CSNK2A1: variants seen among roughly 807,000 people sequenced by gnomAD.
CSNK2A1 encodes the protein casein kinase II subunit alpha.
In CSNK2A1, 10 loss-of-function variants were observed where a neutral mutation model predicts 62.9. The observed-to-expected ratio is 0.16, with a 90% CI of 0.10 to 0.27. The LOEUF is 0.27. CSNK2A1 is among the 10% of genes least tolerant of loss of function. The probability of loss-of-function intolerance (pLI) is 1.00; values close to 1 mark genes in which losing one functional copy is unlikely to be tolerated. For missense variants in CSNK2A1, 160 were observed against 492.0 expected (o/e 0.33, Z 6.38); for synonymous variants, 124 against 167.8 (o/e 0.74, Z 2.02).
At chr20:513,221 C>G (rs903082840) in intron 2 of CSNK2A1, among the ~76,000 whole-genome samples, 1 of 152,186 alleles carries the variant, frequency 6.6e-6, no homozygotes, top group Non-Finnish European at 1.5e-5. Context: ...ACATTTTATA[C>G]GTGTAAGACA....
intron 6 of CSNK2A1, 22 bp from the exon 7 acceptor site, chr20:497,802 G>A: frequency 6.2e-7 from 1 of 1,607,284 alleles, no homozygotes. Flanking sequence ...AAATGTTTGA[G>A]CCATGAAATA....
intron 11 of CSNK2A1, 49 bp downstream of exon 11, chr20:488,628 CT>C: frequency 6.4e-7 from 1 of 1,570,494 alleles, no homozygotes; most frequent in Non-Finnish European, 8.7e-7. Flanking sequence ...TGCCAGTTCA[CT>C]CTCAAAGTGC....
rs1316860118 is a variant in CSNK2A1 at position 478,746 on chromosome 20, G to A, written c.*5215C>T. On this transcript the variant is annotated 3_prime_UTR_variant, in exon 14 of 14. Coordinates refer to ENST00000217244, the MANE Select transcript of CSNK2A1 (RefSeq NM_177559.3). ...AGTTCAAGACCAGCCTGGGCAACAC[G>A]GCAAAACTTCATCTCTACCAAAAAA... The A allele has an allele frequency of 3.7e-6, 1 of 273,376 alleles. No homozygotes were observed. The highest frequency in any genetic ancestry group is 2.6e-5 in the South Asian group (1 of 37,950). The allele number at this position is 273,376 out of a possible 1,614,324, so 16.9% of individuals were successfully genotyped here. A position where few individuals can be genotyped will look rare whatever the true frequency, so the allele number is the denominator to read the frequency against.
intron 4 of CSNK2A1, chr20:501,135 G>C (rs1369702116): frequency 6.6e-6 from 1 of 150,708 alleles, no homozygotes. Context: ...CATGATCTCA[G>C]CTCACTGCAA....
intron 4 of CSNK2A1, chr20:502,338 G>C (rs755197575): frequency 5.3e-5 from 8 of 152,104 alleles, no homozygotes; most frequent in Non-Finnish European, 7.3e-5. Flanking sequence ...CCACCCTGCA[G>C]AGACTAACCC....
chr20:517,723 T>C (rs1321515515), intron 2 of CSNK2A1, among the ~76,000 whole-genome samples: 2 of 152,160 alleles, frequency 1.3e-5, no homozygotes, highest in African/African-American at 4.8e-5. Flanking sequence ...ACCTATAATT[T>C]TGCACCCTAA....
chr20:499,094 G>A lies in CSNK2A1; in HGVS notation c.366+161C>T, dbSNP rs1364860246. 1 of 430,132 alleles carries A rather than the reference G, an allele frequency of 2.3e-6. No homozygotes were observed. Among genetic ancestry groups the A allele is most frequent in the East Asian group, 3.8e-5 (1 of 26,162 alleles). 26.6% of individuals were successfully genotyped at this position (430,132 alleles called of 1,614,324 possible). On this transcript the variant is annotated intron_variant, in intron 6 of 13. Transcript: ENST00000217244. The surrounding 1 kb of genome is among the most constrained non-coding windows in gnomAD (Gnocchi z 4.2). The stretch of plus-strand genomic sequence containing the variant: ...GCAAAATATCAAGATGCAGAAAGTG[G>A]GCACTGCTTATATAGGAGTTCTTCT...
In CSNK2A1 at chr20:475,787, T is replaced by G. The variant is rs2017837821; in HGVS notation, c.*8174A>C. 6.6e-6 allele frequency: 1 copy of G among 152,174 alleles called. No homozygotes were observed. 9.4% of individuals were successfully genotyped at this position (152,174 alleles called of 1,614,324 possible). ...AATGTGCTTGTGTGATTCCATTTGG[T>G]CTCTTCTAAGTTTCTGTGATTCATG... On this transcript the variant is annotated 3_prime_UTR_variant, in exon 14 of 14. Transcript: ENST00000217244.
intron 2 of CSNK2A1, among the ~76,000 whole-genome samples, chr20:524,998 T>C (rs117771177): frequency 7.4e-4 from 113 of 152,094 alleles, no homozygotes; most frequent in Middle Eastern, 3.4e-3. Flanking sequence ...ACCTGTGTCC[T>C]AGCTACTCAG....
chr20:542,582 GCCA>G lies in CSNK2A1; in HGVS notation c.-227+1087_-227+1089del, dbSNP rs1172188320. On this transcript the variant is annotated intron_variant, in intron 1 of 13. Transcript: ENST00000217244. ...CGAGTAGCTGGGATTACAGGCGCGC[GCCA>G]CCAAGCCCGGCTGATATTTGCATTT... 4.6e-5 allele frequency among the ~76,000 whole-genome samples: 7 copies of G among 152,228 alleles called. No homozygotes were observed. In the East Asian group the frequency reaches 1.4e-3, roughly 29 times the overall value.
intron 2 of CSNK2A1, among the ~76,000 whole-genome samples, chr20:516,063 T>C (rs561397997): frequency 1.3e-5 from 2 of 152,316 alleles, no homozygotes; most frequent in South Asian, 4.1e-4. Context: ...AGCAGCTTAT[T>C]TGGAAGATGG....
At chr20:508,240 T>C (rs1300733729) in intron 3 of CSNK2A1, 3 of 504,008 alleles carry the variant, frequency 6.0e-6, no homozygotes, top group East Asian at 6.6e-5. Context: ...GATTTTTAAA[T>C]GGTAAGCCCA....
At chr20:492,471 A>T in intron 8 of CSNK2A1, 107 bp from the exon 9 acceptor site, 1 of 1,055,394 alleles carries the variant, frequency 9.5e-7, no homozygotes, top group Non-Finnish European at 1.4e-6. Flanking sequence ...TCTTTACTGA[A>T]ACCCCTCCAC....
At position 495,815 on chromosome 20, in the gene CSNK2A1, C is replaced by A. The variant is rs143048485; in HGVS notation, c.427-13G>T. ...AATAATCCAGGGCCTGTGGGATGAACGGGTCAGAAAGGAGTTAGCCTGAAT... is the reference window on the plus strand; with the variant it reads ...AATAATCCAGGGCCTGTGGGATGAAAGGGTCAGAAAGGAGTTAGCCTGAAT... On this transcript the variant is annotated splice_polypyrimidine_tract_variant and intron_variant, in intron 7 of 13. Coordinates refer to ENST00000217244, the MANE Select transcript of CSNK2A1 (RefSeq NM_177559.3). 6.2e-7 allele frequency: 1 copy of A among 1,612,034 alleles called. No homozygotes were observed. Among genetic ancestry groups the A allele is most frequent in the Non-Finnish European group, 8.5e-7 (1 of 1,178,200 alleles).
chr20:497,153 TTTTA>T (rs1020010215), intron 7 of CSNK2A1, among the ~76,000 whole-genome samples: 3 of 152,096 alleles, frequency 2.0e-5, no homozygotes, highest in African/African-American at 7.2e-5. Flanking sequence ...TATTATTAAT[TTTTA>T]TTTATTTATG....
At chr20:524,895 G>C (rs549702774) in intron 2 of CSNK2A1, among the ~76,000 whole-genome samples, 1 of 151,734 alleles carries the variant, frequency 6.6e-6, no homozygotes, top group African/African-American at 2.4e-5. Context: ...GAGGAAAGAT[G>C]GCTTGAGGCT....
intron 7 of CSNK2A1, chr20:496,648 T>A (rs1243392866): frequency 6.6e-6 from 1 of 152,208 alleles, no homozygotes; most frequent in Admixed American, 6.5e-5. Flanking sequence ...AATGGAAAGA[T>A]CAAGTATCTC....
At chr20:485,101 A>ATATATATATATATAT (rs2018057838) in intron 13 of CSNK2A1, among the ~76,000 whole-genome samples, 1 of 31,864 alleles carries the variant, frequency 3.1e-5, no homozygotes, top group Non-Finnish European at 6.2e-5. Flanking sequence ...AAAAAAAAAA[A>ATATATATATATATAT]AAAAAAAAAT....
intron 1 of CSNK2A1, chr20:540,074 T>TCTCC (rs1485423642): frequency 1.3e-5 from 2 of 152,220 alleles, no homozygotes; most frequent in Admixed American, 1.3e-4. Context: ...GGCTCTCCTA[T>TCTCC]CTCCGTCTGA....
Sources: gnomAD v4.1 joint callset for allele counts (sites outside exome capture counted in the v4.1 genomes callset) on GRCh38, gnomAD v4.1.1 for gene constraint, Gnocchi (gnomAD v3.1) non-coding constraint, MANE v1.5 for transcripts, NCBI Gene and HGNC (gene_info 2026-07-23, HGNC 2026-07-21) for gene names.